B4GALNT4: variants seen among roughly 807,000 people sequenced by gnomAD.
The protein encoded by B4GALNT4 is beta-1,4-N-acetyl-galactosaminyltransferase 4.
A neutral mutation model predicts 110.0 loss-of-function variants in B4GALNT4; 77 were observed. The observed-to-expected ratio is 0.70, with a 90% confidence interval of 0.58 to 0.85. B4GALNT4 has a LOEUF of 0.85. Among genes scored for constraint, B4GALNT4 ranks in the 40% least tolerant of loss-of-function variants. The pLI, the probability that B4GALNT4 is intolerant of heterozygous loss-of-function variation, is 0.00. For synonymous variants in B4GALNT4, 785 were observed against 655.5 expected (o/e 1.20, Z -3.02); for missense variants, 1,575 against 1,506.0 (o/e 1.05, Z -0.76).
chr11:376,603 C>T lies in B4GALNT4; in HGVS notation c.1480C>T (p.Leu494=). ...DGGTPRHSRA[L]SWAARAARPL... Reference sequence around the variant, plus strand: ...GGGGACCCCCAGGCACTCCCGGGCCCTGAGCTGGGCCGCCAGGGCCGCCCG... The same window carrying T: ...GGGGACCCCCAGGCACTCCCGGGCCTTGAGCTGGGCCGCCAGGGCCGCCCG... Residue 494 remains leucine, a synonymous_variant, in exon 14 of 20, where the codon CTG becomes TTG. Transcript: ENST00000329962. The T allele has an allele frequency of 7.2e-7, 1 of 1,389,982 alleles. No homozygotes were observed. Among genetic ancestry groups the T allele is most frequent in the East Asian group, 3.3e-5 (1 of 30,262 alleles). The allele number at this position is 1,389,982 out of a possible 1,614,324, so 86.1% of individuals were successfully genotyped here.
chr11:376,541 C>T lies in B4GALNT4; in HGVS notation c.1418C>T (p.Thr473Ile). ...GCAGCCCCCGCCCAGCCCGGAGCCA[C>T]CCTCGCCCCGCCGACCCCTCCCCGC... Reference protein sequence around the residue: ...APAAPAQPGATLAPPTPPRPR... With the variant: ...APAAPAQPGAILAPPTPPRPR... Residue 473 changes from threonine to isoleucine, a missense_variant, in exon 14 of 20, where the codon ACC becomes ATC. By Grantham distance (89) the Thr-to-Ile change is moderately conservative. Coordinates refer to ENST00000329962, the MANE Select transcript of B4GALNT4 (RefSeq NM_178537.5). The T allele has an allele frequency of 1.4e-6, 2 of 1,401,152 alleles. No individual in the cohort carries two copies. The highest frequency in any genetic ancestry group is 1.8e-6 in the Non-Finnish European group (2 of 1,089,196). 86.8% of individuals were successfully genotyped at this position (1,401,152 alleles called of 1,614,324 possible). A position where few individuals can be genotyped will look rare whatever the true frequency, so the allele number is the denominator to read the frequency against.
intron 2 of B4GALNT4, among the ~76,000 whole-genome samples, 197 bp from the exon 3 acceptor site, chr11:372,465 G>A (rs1481561634): frequency 6.6e-6 from 1 of 152,014 alleles, no homozygotes; most frequent in Non-Finnish European, 1.5e-5. Flanking sequence ...CCAAGCATCT[G>A]CTTGGGCTAG....
chr11:373,419 C>CCCCCCCCCCCA (rs10624593), intron 6 of B4GALNT4, 30 bp from the exon 7 acceptor site: 1 of 967,382 alleles, frequency 1.0e-6, no homozygotes, highest in Non-Finnish European at 1.5e-6. Flanking sequence ...CCCCCCCCCC[C>CCCCCCCCCCCA]ACCACCACCC....
intron 8 of B4GALNT4, among the ~76,000 whole-genome samples, chr11:375,140 A>AAGGG (rs1356244866): frequency 2.4e-4 from 5 of 20,734 alleles, no homozygotes; most frequent in Admixed American, 1.8e-3. Flanking sequence ...AGGGAGGAGG[A>AAGGG]AGGGAGGGAG....
rs1052588621 is a variant in B4GALNT4 at position 369,641 on chromosome 11, G to C, written c.-163G>C. On this transcript the variant is annotated 5_prime_UTR_variant, in exon 1 of 20. Coordinates refer to ENST00000329962, the MANE Select transcript of B4GALNT4 (RefSeq NM_178537.5). ...CCGCGGCCGAGGGCGGCCTGGGGGG[G>C]TCGCGGCCGCACCCGGTGGCCGCGC... 6.9e-6 allele frequency among the ~76,000 whole-genome samples: 1 copy of C among 144,426 alleles called. No individual in the cohort carries two copies. The highest frequency in any genetic ancestry group is 1.5e-5 in the Non-Finnish European group (1 of 65,180). The allele number at this position is 144,426 out of a possible 152,430, so 94.7% of individuals were successfully genotyped here.
At chr11:380,474 T>C (rs951863215) in intron 18 of B4GALNT4, 29 bp downstream of exon 18, 2 of 1,561,136 alleles carry the variant, frequency 1.3e-6, no homozygotes. Context: ...CACCCTGTGA[T>C]ACCAGGGTTC....
chr11:379,535 C>G lies in B4GALNT4; in HGVS notation c.2322C>G (p.Ser774=), dbSNP rs868133278. 32 of 1,587,494 alleles carry G rather than the reference C, an allele frequency of 2.0e-5. 1 individual carries two copies. The Middle Eastern group carries it at 3.6e-3, about 176-fold the overall frequency. The part of the protein sequence containing the change: ...QERGGGRLRL[S]EYVFLRLPGA... ...GCGGGGGCGGCCGCCTGCGACTGTC[C>G]GAGTACGTCTTCCTGCGGCTGCCGG... The change falls in exon 15 of 20, where the codon TCC becomes TCG. Residue 774 remains serine (S), a synonymous_variant. Coordinates refer to ENST00000329962, the MANE Select transcript of B4GALNT4 (RefSeq NM_178537.5).
intron 7 of B4GALNT4, 69 bp from the exon 8 acceptor site, chr11:373,681 G>T: frequency 1.3e-6 from 2 of 1,563,942 alleles, no homozygotes; most frequent in Non-Finnish European, 1.8e-6. Context: ...GGAGCCACCT[G>T]CCCCCTTCCC....
chr11:373,170 G>C, intron 5 of B4GALNT4, 21 bp from the exon 6 acceptor site: 1 of 1,612,354 alleles, frequency 6.2e-7, no homozygotes, highest in Non-Finnish European at 8.5e-7. Context: ...CCACCCCCCT[G>C]AGCCTAGTCT....
Position 376,679 on chromosome 11 carries a change from A to G in B4GALNT4, c.1556A>G (p.Glu519Gly). The G allele has an allele frequency of 7.0e-7, 1 of 1,427,426 alleles. No individual in the cohort carries two copies. Among genetic ancestry groups the G allele is most frequent in the Non-Finnish European group, 9.1e-7 (1 of 1,094,962 alleles). The allele number at this position is 1,427,426 out of a possible 1,614,324, so 88.4% of individuals were successfully genotyped here. A position where few individuals can be genotyped will look rare whatever the true frequency, so the allele number is the denominator to read the frequency against. The part of the protein sequence containing the change: ...GRAPPPRPAV[E>G]QPPPKVYVTR... ...GCTCCGCCCCCGCGCCCTGCAGTGG[A>G]GCAGCCGCCCCCAAAGGTGTACGTG... The change falls in exon 14 of 20, where the codon GAG becomes GGG. Residue 519 changes from glutamate to glycine, a missense_variant. Physicochemically the swap from Glu to Gly is moderately conservative, Grantham distance 98. Coordinates refer to ENST00000329962, the MANE Select transcript of B4GALNT4 (RefSeq NM_178537.5).
Position 373,875 on chromosome 11 carries a change from C to A in B4GALNT4, c.783+47C>A. On this transcript the variant is annotated intron_variant, in intron 8 of 19. Coordinates refer to ENST00000329962, the MANE Select transcript of B4GALNT4 (RefSeq NM_178537.5). ...GGGCTTCTGGAGACTCCACTCCCCC[C>A]ACCTCCCTGCAGGACAACCGCAATG... 5 of 1,576,434 alleles carry A rather than the reference C, an allele frequency of 3.2e-6. No homozygotes were observed. The South Asian group carries it at 3.3e-5, about 10-fold the overall frequency.
In B4GALNT4 at chr11:376,570, C is replaced by A; in HGVS notation, c.1447C>A (p.Arg483=). 1 of 1,354,434 alleles carries A rather than the reference C, an allele frequency of 7.4e-7. No homozygotes were observed. The allele number at this position is 1,354,434 out of a possible 1,614,324, so 83.9% of individuals were successfully genotyped here. A position where few individuals can be genotyped will look rare whatever the true frequency, so the allele number is the denominator to read the frequency against. Residue 483 remains arginine, a synonymous_variant, in exon 14 of 20, where the codon CGG becomes AGG. Transcript: ENST00000329962. The stretch of plus-strand genomic sequence containing the variant: ...CGCCCCGCCGACCCCTCCCCGCCCC[C>A]GGGACGGGGGGACCCCCAGGCACTC... ...TLAPPTPPRP[R]DGGTPRHSRA...
Position 375,828 on chromosome 11 carries a change from G to A in B4GALNT4, c.986-19G>A, listed in dbSNP as rs1846734979. 6.2e-7 allele frequency: 1 copy of A among 1,606,114 alleles called. No individual in the cohort carries two copies. The highest frequency in any genetic ancestry group is 8.5e-7 in the Non-Finnish European group (1 of 1,178,284). ...CGGGGGTGCCTGCCCCAGCCACCCT[G>A]TGACCGCACCTCCTGCAGCTCCACG... is the stretch of plus-strand genomic sequence containing the variant. On this transcript the variant is annotated intron_variant, in intron 10 of 19. Transcript: ENST00000329962.
rs1187370172 is a variant in B4GALNT4 at position 369,594 on chromosome 11, GC to G, written c.-205del. ...CGGGCGGGGGGCACCGCGAGGAGCC[GC>G]CCCCGCCGCCCACCCCGGGCCCGCG... is the stretch of plus-strand genomic sequence containing the variant. On this transcript the variant is annotated 5_prime_UTR_variant, in exon 1 of 20. Coordinates refer to ENST00000329962, the MANE Select transcript of B4GALNT4 (RefSeq NM_178537.5). Among the ~76,000 whole-genome samples the G allele has an allele frequency of 2.1e-5, 3 of 142,580 alleles. No homozygotes were observed. Among genetic ancestry groups the G allele is most frequent in the Non-Finnish European group, 4.6e-5 (3 of 64,576 alleles). 93.5% of individuals were successfully genotyped at this position (142,580 alleles called of 152,430 possible).
chr11:377,659 T>G (rs1388728391), intron 14 of B4GALNT4, among the ~76,000 whole-genome samples: 1 of 152,190 alleles, frequency 6.6e-6, no homozygotes, highest in African/African-American at 2.4e-5. Context: ...TCAGCGTCAG[T>G]CGCATCCAGT....
Position 372,726 on chromosome 11 carries a change from C to G in B4GALNT4, c.320C>G (p.Thr107Ser). The G allele has an allele frequency of 1.9e-6, 3 of 1,611,278 alleles. No homozygotes were observed. The highest frequency in any genetic ancestry group is 2.5e-6 in the Non-Finnish European group (3 of 1,179,524). Residue 107 changes from threonine (T) to serine (S), a missense_variant, in exon 3 of 20, where the codon ACC becomes AGC. Transcript: ENST00000329962. ...GCTGGGAGGCTGCCACTGAACTTCA[C>G]CCATCAGACACCCCCATGGCGGGAG... ...GGAGRLPLNF[T>S]HQTPPWREEY...
intron 1 of B4GALNT4, among the ~76,000 whole-genome samples, chr11:371,311 G>T (rs1036724613): frequency 6.6e-6 from 1 of 152,108 alleles, no homozygotes; most frequent in Non-Finnish European, 1.5e-5. Context: ...AGCCCTGGGG[G>T]ACCCTTCCCA....
At chr11:380,642 G>A (rs765163364) in intron 18 of B4GALNT4, 183 bp from the exon 19 acceptor site, 47 of 1,247,662 alleles carry the variant, frequency 3.8e-5, no homozygotes, top group Admixed American at 2.1e-4. Flanking sequence ...ACCTCCTCCA[G>A]TATCCCGCGT....
chr11:375,998 C>T (rs375935135), intron 11 of B4GALNT4, 42 bp downstream of exon 11: 112 of 1,604,460 alleles, frequency 7.0e-5, no homozygotes, highest in Non-Finnish European at 9.1e-5. Flanking sequence ...CGGGACTCCG[C>T]GGAGCCTTCT....
Sources: gnomAD v4.1 joint callset for allele counts (sites outside exome capture counted in the v4.1 genomes callset) on GRCh38, gnomAD v4.1.1 for gene constraint, MANE v1.5 for transcripts, NCBI Gene and HGNC (gene_info 2026-07-23, HGNC 2026-07-21) for gene names.